MEMO1: variants seen among roughly 807,000 people sequenced by gnomAD.
The protein encoded by MEMO1 is mediator of cell motility 1.
Under a neutral mutation model 45.2 loss-of-function variants are expected in MEMO1, and 6 were observed. That is an observed-to-expected ratio of 0.13 (90% CI 0.07 to 0.26). MEMO1 has a LOEUF of 0.26. MEMO1 is among the 10% of genes least tolerant of loss of function. MEMO1 has a pLI of 1.00. For missense variants in MEMO1, 184 were observed against 370.5 expected, an observed-to-expected ratio of 0.50 and a Z score of 4.13; for synonymous variants, 78 against 124.3, an observed-to-expected ratio of 0.63 and a Z score of 2.48.
chr2:31,945,593 T>C (rs1364060009), intron 2 of MEMO1, among the ~76,000 whole-genome samples: 1 of 152,200 alleles, frequency 6.6e-6, no homozygotes, highest in Non-Finnish European at 1.5e-5. Flanking sequence ...TAGAGATGTA[T>C]GTAAATCTTT....
intron 6 of MEMO1, among the ~76,000 whole-genome samples, chr2:31,897,185 C>G (rs1009402731): frequency 2.0e-5 from 3 of 151,908 alleles, no homozygotes; most frequent in Admixed American, 6.6e-5. Context: ...AATTTGACTT[C>G]CTCTCTTCCT....
At chr2:31,943,454 G>C (rs575343065) in intron 2 of MEMO1, 71 bp from the exon 3 acceptor site, 10 of 1,110,378 alleles carry the variant, frequency 9.0e-6, no homozygotes, top group Admixed American at 1.7e-5. Context: ...GTGGCATAAA[G>C]CCCTCACTGA....
At chr2:31,943,889 T>C (rs1220650610) in intron 2 of MEMO1, among the ~76,000 whole-genome samples, 1 of 152,118 alleles carries the variant, frequency 6.6e-6, no homozygotes, top group Non-Finnish European at 1.5e-5. Flanking sequence ...ACCTTAAAAA[T>C]CTCAGTTTCA....
At chr2:31,952,472 T>C (rs771747470) in intron 2 of MEMO1, among the ~76,000 whole-genome samples, 5 of 152,168 alleles carry the variant, frequency 3.3e-5, no homozygotes, top group Non-Finnish European at 7.3e-5. Context: ...CCAAAAGAGC[T>C]ACAAATTTGG....
rs566937394 is a variant in MEMO1, at chr2:31,908,739, C to G, written c.437+9187G>C. 2.0e-5 allele frequency among the ~76,000 whole-genome samples: 3 copies of G among 152,336 alleles called. No individual in the cohort carries two copies. The East Asian group carries it at 5.8e-4, about 29-fold the overall frequency. On this transcript the variant is annotated intron_variant, in intron 6 of 9. Transcript: ENST00000404530. ...ACAAATACCCACTTCACTGAGTATT[C>G]TGTTCTCTTTACAAAAATGCCTAAC...
chr2:31,998,256 T>G (rs1572936869), intron 2 of MEMO1, among the ~76,000 whole-genome samples: 1 of 152,170 alleles, frequency 6.6e-6, no homozygotes. Flanking sequence ...CAAGCAGTCC[T>G]CCCACCTCGG....
chr2:31,879,685 A>T (rs160801), intron 8 of MEMO1, among the ~76,000 whole-genome samples: 70,196 of 151,998 alleles, frequency 0.46, 16,459 homozygotes, highest in Admixed American at 0.5. Context: ...ATCAAGATAG[A>T]TTTCTGAGAT....
At chr2:32,002,168 A>AT (rs869306675) in intron 2 of MEMO1, among the ~76,000 whole-genome samples, 1,460 of 73,328 alleles carry the variant, frequency 0.02, 12 homozygotes, top group East Asian at 0.025. Flanking sequence ...AAAAAAAAAA[A>AT]ATATATATAT....
intron 2 of MEMO1, among the ~76,000 whole-genome samples, chr2:32,008,167 G>C (rs1393609901): frequency 3.9e-5 from 6 of 152,122 alleles, no homozygotes; most frequent in African/African-American, 1.4e-4. Flanking sequence ...TACCAAAGAA[G>C]TCTTTCCAAA....
intron 2 of MEMO1, among the ~76,000 whole-genome samples, chr2:31,982,873 A>G (rs768325123): frequency 1.3e-5 from 2 of 152,110 alleles, no homozygotes; most frequent in Non-Finnish European, 2.9e-5. Flanking sequence ...AGATAAGTAC[A>G]GGGAAAACAG....
At chr2:31,896,575 G>C (rs1042676280) in intron 6 of MEMO1, among the ~76,000 whole-genome samples, 1 of 152,066 alleles carries the variant, frequency 6.6e-6, no homozygotes, top group African/African-American at 2.4e-5. Flanking sequence ...GTTCAAGAAC[G>C]AAACAAAGGA....
chr2:31,965,471 G>A (rs572374501), intron 2 of MEMO1, among the ~76,000 whole-genome samples: 2 of 152,258 alleles, frequency 1.3e-5, no homozygotes, highest in South Asian at 4.1e-4. Flanking sequence ...GTTCATTACA[G>A]TGTTCTTTCC....
intron 2 of MEMO1, among the ~76,000 whole-genome samples, chr2:31,976,009 G>A (rs1020829070): frequency 4.6e-5 from 7 of 152,066 alleles, no homozygotes; most frequent in African/African-American, 9.7e-5. Flanking sequence ...TTCTGCCTCA[G>A]CCTCCCGAGT....
At chr2:31,891,378 A>T (rs1223740383) in intron 7 of MEMO1, among the ~76,000 whole-genome samples, 1 of 152,160 alleles carries the variant, frequency 6.6e-6, no homozygotes, top group Non-Finnish European at 1.5e-5. Flanking sequence ...CTTCTCTTAC[A>T]ACGTACTCAC....
At chr2:31,974,667 C>CCCAGGGGGG in intron 2 of MEMO1, among the ~76,000 whole-genome samples, 2 of 150,042 alleles carry the variant, frequency 1.3e-5, no homozygotes, top group Admixed American at 1.3e-4. Flanking sequence ...ACCACTTGAA[C>CCCAGGGGGG]CCAGGGGGGC....
At chr2:31,908,955 G>C (rs1010347320) in intron 6 of MEMO1, among the ~76,000 whole-genome samples, 7 of 152,144 alleles carry the variant, frequency 4.6e-5, no homozygotes, top group Non-Finnish European at 8.8e-5. Context: ...AATTACAACT[G>C]ATCACAGAAT....
intron 2 of MEMO1, among the ~76,000 whole-genome samples, chr2:31,957,472 T>A (rs1667539903): frequency 6.6e-6 from 1 of 152,164 alleles, no homozygotes; most frequent in Admixed American, 6.6e-5. Flanking sequence ...AACCAAACTT[T>A]TAAGAATTGC....
Position 31,964,945 on chromosome 2 carries a change from G to A in MEMO1, c.62-21562C>T, listed in dbSNP as rs181312420. On this transcript the variant is annotated intron_variant, in intron 2 of 9. Coordinates refer to ENST00000404530, the MANE Select transcript of MEMO1 (RefSeq NM_001301833.4). ...ATGATATGGTGAGGCTGGGTGCAGC[G>A]GCTCACCCCTGTAATCCCAACACAT... is the stretch of plus-strand genomic sequence containing the variant. Among the ~76,000 whole-genome samples, 1,495 of 152,114 alleles carry A rather than the reference G, an allele frequency of 9.8e-3. 26 individuals carry two copies. The highest frequency in any genetic ancestry group is 0.05 in the South Asian group (240 of 4,814).
intron 2 of MEMO1, among the ~76,000 whole-genome samples, chr2:32,001,227 G>GA (rs1406833593): frequency 6.6e-6 from 1 of 151,636 alleles, no homozygotes; most frequent in Non-Finnish European, 1.5e-5. Flanking sequence ...TTTTAGTAGA[G>GA]ACGGGGTTTC....
Sources: gnomAD v4.1 joint callset for allele counts (sites outside exome capture counted in the v4.1 genomes callset) on GRCh38, gnomAD v4.1.1 for gene constraint, MANE v1.5 for transcripts, NCBI Gene and HGNC (gene_info 2026-07-23, HGNC 2026-07-21) for gene names.